The following KCNK2 variants were observed in gnomAD, a reference collection of about 807,000 sequenced individuals.
KCNK2 encodes the protein potassium two pore domain channel subfamily K member 2.
KCNK2 carries 21 observed loss-of-function variants against 40.5 expected under a neutral mutation model. The observed-to-expected ratio is 0.52, with a 90% confidence interval of 0.37 to 0.75. The LOEUF is 0.75. Among genes scored for constraint, KCNK2 ranks in the 30% least tolerant of loss-of-function variants. The probability of loss-of-function intolerance (pLI) is 0.00; values close to 1 mark genes in which losing one functional copy is unlikely to be tolerated. For synonymous variants in KCNK2, 191 were observed against 202.2 expected, an observed-to-expected ratio of 0.94 and a Z score of 0.47; for missense variants, 399 against 531.6, an observed-to-expected ratio of 0.75 and a Z score of 2.45.
chr1:215,048,169 C>T (rs1026458179), intron 1 of KCNK2, among the ~76,000 whole-genome samples: 5 of 152,242 alleles, frequency 3.3e-5, no homozygotes, highest in Admixed American at 3.3e-4. Flanking sequence ...CACATAGCTG[C>T]GTACAATCCC....
intron 1 of KCNK2, among the ~76,000 whole-genome samples, chr1:215,064,955 A>C (rs1378669087): frequency 6.6e-6 from 1 of 152,114 alleles, no homozygotes; most frequent in Non-Finnish European, 1.5e-5. Context: ...TTAAATATTA[A>C]CTGTGTTTTG....
chr1:215,208,938 C>T (rs1665435210), intron 6 of KCNK2, among the ~76,000 whole-genome samples: 1 of 151,826 alleles, frequency 6.6e-6, no homozygotes, highest in African/African-American at 2.4e-5. Flanking sequence ...AGCAATTCTC[C>T]TGTCTCGGCA....
intron 2 of KCNK2, among the ~76,000 whole-genome samples, chr1:215,093,485 AAT>A (rs1388719984): frequency 9.1e-5 from 7 of 76,754 alleles, no homozygotes; most frequent in South Asian, 3.1e-4. Flanking sequence ...ATATACATAT[AAT>A]ATATGTTATA....
At chr1:215,015,710 G>A (rs2601608) in intron 1 of KCNK2, among the ~76,000 whole-genome samples, 85,064 of 151,952 alleles carry the variant, frequency 0.56, 25,493 homozygotes, top group South Asian at 0.78. Context: ...TTGTGTTAGA[G>A]CTGAAAAAGT....
At chr1:215,154,178 G>A (rs1214120612) in intron 3 of KCNK2, among the ~76,000 whole-genome samples, 2 of 152,136 alleles carry the variant, frequency 1.3e-5, no homozygotes, top group Non-Finnish European at 2.9e-5. Flanking sequence ...CACACTGTCT[G>A]CCACAATGGT....
At chr1:215,053,437 G>C (rs1658056409) in intron 1 of KCNK2, among the ~76,000 whole-genome samples, 1 of 152,140 alleles carries the variant, frequency 6.6e-6, no homozygotes, top group Non-Finnish European at 1.5e-5. Flanking sequence ...AGCAGTAAAT[G>C]AACAAATGAA....
At chr1:215,227,751 A>T (rs193183416) in intron 6 of KCNK2, among the ~76,000 whole-genome samples, 1 of 152,262 alleles carries the variant, frequency 6.6e-6, no homozygotes, top group East Asian at 1.9e-4. Context: ...GGACTCTTCC[A>T]CGGTTTTGAC....
At chr1:215,106,623 G>T (rs1383344635) in intron 2 of KCNK2, among the ~76,000 whole-genome samples, 1 of 152,024 alleles carries the variant, frequency 6.6e-6, no homozygotes, top group Non-Finnish European at 1.5e-5. Context: ...TGTTTTTGAT[G>T]CAATTGCCTT....
chr1:215,028,118 G>T (rs552966762), intron 1 of KCNK2, among the ~76,000 whole-genome samples: 25 of 152,252 alleles, frequency 1.6e-4, no homozygotes, highest in Non-Finnish European at 3.1e-4. Flanking sequence ...TGGGCACCGT[G>T]GCTCCCGCCT....
At chr1:215,173,322 G>C (rs2102639441) in intron 5 of KCNK2, among the ~76,000 whole-genome samples, 1 of 152,254 alleles carries the variant, frequency 6.6e-6, no homozygotes, top group Non-Finnish European at 1.5e-5. Context: ...TGGCTGCATA[G>C]TATTCCATGG....
chr1:215,190,528 T>C (rs114267190), intron 5 of KCNK2, among the ~76,000 whole-genome samples: 1,577 of 152,232 alleles, frequency 0.01, 36 homozygotes, highest in African/African-American at 0.036. Context: ...GCTACCCCTT[T>C]CTTGGGTGGC....
At chr1:215,144,067 G>GA (rs1176008628) in intron 3 of KCNK2, among the ~76,000 whole-genome samples, 2 of 152,140 alleles carry the variant, frequency 1.3e-5, no homozygotes, top group African/African-American at 2.4e-5. Context: ...CCATGTGTGA[G>GA]AAAACCTTGT....
chr1:215,194,286 T>C (rs1664780327), intron 5 of KCNK2, among the ~76,000 whole-genome samples: 1 of 152,120 alleles, frequency 6.6e-6, no homozygotes, highest in Admixed American at 6.6e-5. Context: ...ACAAGAGCCT[T>C]GCCAATATTT....
chr1:215,134,060 T>TGCCAAAGCCAAGCAGTTAGA (rs1407085066), intron 3 of KCNK2, among the ~76,000 whole-genome samples: 1 of 151,812 alleles, frequency 6.6e-6, no homozygotes, highest in African/African-American at 2.4e-5. Flanking sequence ...AGAGTGAAAT[T>TGCCAAAGCCAAGCAGTTAGA]GCCAAAGCCA....
intron 1 of KCNK2, among the ~76,000 whole-genome samples, chr1:215,069,396 A>C (rs940931322): frequency 2.6e-5 from 4 of 152,122 alleles, no homozygotes; most frequent in Non-Finnish European, 4.4e-5. Context: ...GAATTACCTG[A>C]TTACTTCCTG....
intron 1 of KCNK2, among the ~76,000 whole-genome samples, chr1:215,053,113 G>A (rs756357689): frequency 2.0e-5 from 3 of 151,914 alleles, no homozygotes; most frequent in Non-Finnish European, 4.4e-5. Context: ...TTAAGTTCCA[G>A]GATATATGTG....
intron 1 of KCNK2, among the ~76,000 whole-genome samples, chr1:215,060,325 A>G (rs1434666722): frequency 6.6e-6 from 1 of 152,238 alleles, no homozygotes; most frequent in Non-Finnish European, 1.5e-5. Flanking sequence ...CAGAGGCATC[A>G]GCTAATGCAC....
At chr1:215,139,822 T>C (rs1390300965) in intron 3 of KCNK2, among the ~76,000 whole-genome samples, 1 of 152,172 alleles carries the variant, frequency 6.6e-6, no homozygotes, top group Admixed American at 6.5e-5. Context: ...TATTATGAGG[T>C]GACTTGTTAT....
At position 215,151,509 on chromosome 1, in the gene KCNK2, A is replaced by AT. The variant is rs567731556; in HGVS notation, c.476-17684dup. On this transcript the variant is annotated intron_variant, in intron 3 of 6. Coordinates refer to ENST00000444842, the MANE Select transcript of KCNK2 (RefSeq NM_001017425.3). Reference sequence around the variant, plus strand: ...GTAAGGCAAATCTTTTGACTTCATTATTTTTTGTCCATTTTAAAAACATTT... The same window carrying AT: ...GTAAGGCAAATCTTTTGACTTCATTATTTTTTTGTCCATTTTAAAAACATTT... 7.7e-4 allele frequency among the ~76,000 whole-genome samples: 117 copies of AT among 152,064 alleles called. 1 individual carries two copies. The highest frequency in any genetic ancestry group is 2.6e-3 in the African/African-American group (109 of 41,532).
Sources: allele counts gnomAD v4.1 joint callset (sites outside exome capture counted in the v4.1 genomes callset), GRCh38; gene constraint gnomAD v4.1.1; transcripts MANE v1.5; gene names NCBI Gene and HGNC (gene_info 2026-07-23, HGNC 2026-07-21).